The following GPC5 variants were observed in gnomAD, a reference collection of about 807,000 sequenced individuals.
The protein encoded by GPC5 is glypican-5.
Under a neutral mutation model 53.9 loss-of-function variants are expected in GPC5, and 47 were observed. The ratio of observed to expected loss-of-function variants is 0.87; its 90% CI spans 0.69 to 1.11. GPC5 has a LOEUF of 1.11. Among genes scored for constraint, GPC5 ranks in the 50% most tolerant of loss-of-function variants. The probability of loss-of-function intolerance (pLI) is 0.00; values close to 1 mark genes in which losing one functional copy is unlikely to be tolerated. For missense variants in GPC5, 748 were observed against 713.1 expected (o/e 1.05, Z -0.56); for synonymous variants, 286 against 263.3 (o/e 1.09, Z -0.84).
At position 91,687,580 on chromosome 13, in the gene GPC5, A is replaced by G. The variant is rs564152474; in HGVS notation, c.326-5607A>G. Reference sequence around the variant, plus strand: ...TTCCCATAAGGCTGGGAAGAATTACATTCTATATTTAAACAGTAATTAGAT... The same window carrying G: ...TTCCCATAAGGCTGGGAAGAATTACGTTCTATATTTAAACAGTAATTAGAT... On this transcript the variant is annotated intron_variant, in intron 2 of 7. Transcript: ENST00000377067. Among the ~76,000 whole-genome samples, 4 of 152,138 alleles carry G rather than the reference A, an allele frequency of 2.6e-5. No individual in the cohort carries two copies. In the South Asian group the frequency reaches 8.3e-4, roughly 32 times the overall value.
chr13:91,710,494 G>T (rs1329479240), intron 3 of GPC5, among the ~76,000 whole-genome samples: 2 of 152,070 alleles, frequency 1.3e-5, no homozygotes, highest in Non-Finnish European at 2.9e-5. Context: ...TGGAAATAAG[G>T]GCAAGAGAAA....
chr13:91,452,065 G>T (rs963478752), intron 2 of GPC5, among the ~76,000 whole-genome samples: 4 of 151,926 alleles, frequency 2.6e-5, no homozygotes, highest in African/African-American at 9.7e-5. Flanking sequence ...GCTCACTGCA[G>T]CCTCAACTTG....
At chr13:92,086,298 C>A (rs2041335542) in intron 6 of GPC5, among the ~76,000 whole-genome samples, 1 of 152,204 alleles carries the variant, frequency 6.6e-6, no homozygotes, top group East Asian at 1.9e-4. Context: ...AAAACTCTGG[C>A]TACAGGCCAT....
chr13:92,665,017 A>G (rs76800157), intron 7 of GPC5, among the ~76,000 whole-genome samples: 36,080 of 152,012 alleles, frequency 0.24, 4,942 homozygotes, highest in South Asian at 0.39. Flanking sequence ...TGTTACAAAA[A>G]AAACAGTAGA....
intron 2 of GPC5, among the ~76,000 whole-genome samples, chr13:91,586,484 A>G (rs1165863683): frequency 9.4e-6 from 1 of 106,746 alleles, no homozygotes; most frequent in East Asian, 3.5e-4. Context: ...GGGGAAGGGG[A>G]ATGCAAGGCA....
chr13:92,003,762 T>A (rs1265523366), intron 6 of GPC5, among the ~76,000 whole-genome samples: 1 of 152,216 alleles, frequency 6.6e-6, no homozygotes, highest in Non-Finnish European at 1.5e-5. Context: ...AACAGCCCTT[T>A]CACATCTACT....
At chr13:92,430,376 C>T (rs766713059) in intron 7 of GPC5, among the ~76,000 whole-genome samples, 4 of 152,004 alleles carry the variant, frequency 2.6e-5, no homozygotes, top group Non-Finnish European at 5.9e-5. Context: ...TAATGTATTC[C>T]TTGCAGTATT....
intron 6 of GPC5, among the ~76,000 whole-genome samples, chr13:92,033,070 T>C (rs1020812623): frequency 1.3e-5 from 2 of 151,076 alleles, no homozygotes; most frequent in Non-Finnish European, 2.9e-5. Flanking sequence ...TGTGTGTGTG[T>C]GTGTGCTTCT....
rs12430678 is a variant in GPC5, at chr13:92,760,993, T to C, written c.1562-105289T>C. Among the ~76,000 whole-genome samples the C allele has an allele frequency of 0.022, 3,397 of 152,284 alleles. 292 individuals carry two copies. In the East Asian group the frequency reaches 0.28, roughly 13 times the overall value. ...TTCCTCTTAGAGATTTCTAGTTTCA[T>C]ACCATTGTGGTCAGAAATAATACTT... On this transcript the variant is annotated intron_variant, in intron 7 of 7. Coordinates refer to ENST00000377067, the MANE Select transcript of GPC5 (RefSeq NM_004466.6).
intron 6 of GPC5, among the ~76,000 whole-genome samples, chr13:92,142,095 T>A (rs2041836108): frequency 6.6e-6 from 1 of 152,162 alleles, no homozygotes; most frequent in South Asian, 2.1e-4. Context: ...ATACCTAATA[T>A]AAATGACAAG....
At chr13:92,609,541 T>A (rs1884367328) in intron 7 of GPC5, among the ~76,000 whole-genome samples, 1 of 152,178 alleles carries the variant, frequency 6.6e-6, no homozygotes, top group African/African-American at 2.4e-5. Flanking sequence ...TGCTTTGTGA[T>A]GAGGCCAGTT....
At chr13:91,900,260 G>T (rs2039484613) in intron 5 of GPC5, among the ~76,000 whole-genome samples, 2 of 152,058 alleles carry the variant, frequency 1.3e-5, no homozygotes, top group Admixed American at 6.6e-5. Context: ...TCATTTTGTT[G>T]TTGGCTTAAA....
chr13:92,654,140 A>AT (rs1414260743), intron 7 of GPC5, among the ~76,000 whole-genome samples: 1 of 152,186 alleles, frequency 6.6e-6, no homozygotes, highest in Non-Finnish European at 1.5e-5. Context: ...ACTTTGTTTA[A>AT]TTTTTGCCTT....
chr13:91,888,122 G>A (rs969490155), intron 5 of GPC5, among the ~76,000 whole-genome samples: 25 of 152,178 alleles, frequency 1.6e-4, no homozygotes, highest in Middle Eastern at 3.2e-3. Flanking sequence ...CATAGCTGGG[G>A]AGGCCTCACA....
intron 7 of GPC5, among the ~76,000 whole-genome samples, chr13:92,323,787 T>G (rs1021823286): frequency 2.0e-5 from 3 of 151,930 alleles, no homozygotes; most frequent in African/African-American, 7.2e-5. Context: ...ATATTTCTCA[T>G]ATACAAAATG....
chr13:92,668,404 A>G lies in GPC5; in HGVS notation c.1562-197878A>G, dbSNP rs145882101. On this transcript the variant is annotated intron_variant, in intron 7 of 7. Coordinates refer to ENST00000377067, the MANE Select transcript of GPC5 (RefSeq NM_004466.6). ...ACCAACAATCTGCATTTCCAGGCTA[A>G]GTTTAAGCTATTTAGAAGCCAAACC... 2.8e-3 allele frequency among the ~76,000 whole-genome samples: 419 copies of G among 152,294 alleles called. 5 individuals are homozygous for G. The highest frequency in any genetic ancestry group is 9.7e-3 in the African/African-American group (402 of 41,578).
intron 6 of GPC5, among the ~76,000 whole-genome samples, chr13:91,983,439 G>A (rs954652951): frequency 2.0e-5 from 3 of 152,070 alleles, no homozygotes; most frequent in Admixed American, 2.0e-4. Flanking sequence ...AAGTATCTTA[G>A]AAAGCAGAGG....
chr13:91,688,823 T>A (rs1276710779), intron 2 of GPC5, among the ~76,000 whole-genome samples: 1 of 152,026 alleles, frequency 6.6e-6, no homozygotes, highest in Non-Finnish European at 1.5e-5. Flanking sequence ...GCGTTTGTAA[T>A]GCACTGGTAA....
At chr13:92,012,039 G>A (rs992682761) in intron 6 of GPC5, among the ~76,000 whole-genome samples, 1 of 152,090 alleles carries the variant, frequency 6.6e-6, no homozygotes, top group South Asian at 2.1e-4. Context: ...TGTCACAGTT[G>A]GGTAATTCAA....
Sources: gnomAD v4.1 joint callset for allele counts (sites outside exome capture counted in the v4.1 genomes callset) on GRCh38, gnomAD v4.1.1 for gene constraint, MANE v1.5 for transcripts, NCBI Gene and HGNC (gene_info 2026-07-23, HGNC 2026-07-21) for gene names.